Variants in LZTR1 observed in about 807,000 individuals in gnomAD.
LZTR1 encodes the protein leucine zipper like post translational regulator 1, also known as leucine-zipper-like transcriptional regulator 1.
In LZTR1, 260 loss-of-function variants were observed where a neutral mutation model predicts 105.7. The observed-to-expected ratio is 2.46, with a 90% CI of 2.22 to 2.72. The LOEUF is 2.72. LZTR1 is among the 30% of genes most tolerant of loss of function. The pLI, the probability that LZTR1 is intolerant of heterozygous loss-of-function variation, is 0.00. For synonymous variants in LZTR1, 490 were observed against 476.4 expected (o/e 1.03, Z -0.37); for missense variants, 1,214 against 1,166.9 (o/e 1.04, Z -0.59).
intron 18 of LZTR1, 22 bp from the exon 19 acceptor site, chr22:20,996,674 C>T (rs1924862176): frequency 1.2e-6 from 2 of 1,607,158 alleles, no homozygotes; most frequent in Non-Finnish European, 1.7e-6. Context: ...TTCCTTTAGT[C>T]AGCTCCTTAA....
At chr22:20,988,268 A>C (rs1924473090) in intron 5 of LZTR1, 150 bp downstream of exon 5, 6 of 619,168 alleles carry the variant, frequency 9.7e-6, no homozygotes, top group South Asian at 1.9e-5. Flanking sequence ...CGGTGCAGCT[A>C]TGCATGGCCT....
chr22:20,988,229 A>C, intron 5 of LZTR1, 111 bp downstream of exon 5: 1 of 683,326 alleles, frequency 1.5e-6, no homozygotes, highest in East Asian at 2.7e-5. Flanking sequence ...ACGCAATAGC[A>C]GGGAGCTTGG....
chr22:20,988,793 C>G lies in LZTR1; in HGVS notation c.514C>G (p.Pro172Ala), dbSNP rs770709361. 6.2e-7 allele frequency: 1 copy of G among 1,613,666 alleles called. No individual in the cohort carries two copies. The highest frequency in any genetic ancestry group is 1.1e-5 in the South Asian group (1 of 91,088). The change falls in exon 6 of 21, where the codon CCA becomes GCA. Residue 172 changes from proline (P) to alanine (A), a missense_variant. Physicochemically the swap from Pro to Ala is conservative, Grantham distance 27 (BLOSUM62 -1). Transcript: ENST00000646124. ...WTEWKIEGRL[P>A]VARSAHGATV... ...CCCTCTTCCCTCACACTCCAGGTTG[C>G]CAGTCGCTAGGTCAGCCCATGGGGC...
intron 16 of LZTR1, 154 bp from the exon 17 acceptor site, chr22:20,995,592 G>A: frequency 1.1e-6 from 1 of 904,224 alleles, no homozygotes; most frequent in Non-Finnish European, 1.8e-6. Context: ...AGGACAGAAT[G>A]TGGCTGATGG....
intron 16 of LZTR1, 76 bp downstream of exon 16, chr22:20,995,102 G>T (rs1924783653): frequency 8.0e-6 from 12 of 1,508,752 alleles, no homozygotes; most frequent in Non-Finnish European, 1.1e-5. Flanking sequence ...GGGAGCCATG[G>T]AGAGCACCTG....
intron 8 of LZTR1, chr22:20,991,091 G>A (rs540622338): frequency 6.1e-6 from 1 of 163,184 alleles, no homozygotes; most frequent in African/African-American, 2.4e-5. Context: ...CATGGAGCCA[G>A]ATGGCATAGC....
chr22:20,983,268 A>T lies in LZTR1; in HGVS notation c.263+179A>T, dbSNP rs1924265484. ...CCCTGGTCGTGGTGAGGATTAAATG[A>T]GATCCTGCACTCATGGTCCTCAGCA... On this transcript the variant is annotated intron_variant, in intron 2 of 20. Coordinates refer to ENST00000646124, the MANE Select transcript of LZTR1 (RefSeq NM_006767.4). 1.9e-5 allele frequency: 12 copies of T among 632,454 alleles called. No individual in the cohort carries two copies. The Middle Eastern group carries it at 1.2e-3, about 65-fold the overall frequency. The allele number at this position is 632,454 out of a possible 1,614,324, so 39.2% of individuals were successfully genotyped here. A position where few individuals can be genotyped will look rare whatever the true frequency, so the allele number is the denominator to read the frequency against.
At chr22:20,989,369 G>C (rs887297912) in intron 6 of LZTR1, among the ~76,000 whole-genome samples, 1 of 152,238 alleles carries the variant, frequency 6.6e-6, no homozygotes, top group Non-Finnish European at 1.5e-5. Context: ...CACTGAGTGA[G>C]GAGCTGGCAC....
At chr22:20,995,303 C>T (rs1189742564) in intron 16 of LZTR1, 1 of 662,506 alleles carries the variant, frequency 1.5e-6, no homozygotes, top group African/African-American at 1.8e-5. Flanking sequence ...GCTAGGATGT[C>T]AGGTCTGATG....
intron 11 of LZTR1, 43 bp downstream of exon 11, chr22:20,992,947 T>G (rs1292756508): frequency 7.4e-7 from 1 of 1,350,358 alleles, no homozygotes; most frequent in Non-Finnish European, 1.0e-6. Context: ...GGTGGACGGA[T>G]CCCCCGTGAT....
intron 16 of LZTR1, 64 bp downstream of exon 16, chr22:20,995,090 T>C (rs1471741742): frequency 4.5e-6 from 7 of 1,541,186 alleles, no homozygotes; most frequent in African/African-American, 1.4e-5. Context: ...CGGTAGGAGA[T>C]TGGGAGCCAT....
rs368391573 is a variant in LZTR1 at position 20,995,742 on chromosome 22, C to G, written c.1943-4C>G. On this transcript the variant is annotated splice_polypyrimidine_tract_variant and splice_region_variant and intron_variant, in intron 16 of 20. Transcript: ENST00000646124. The stretch of plus-strand genomic sequence containing the variant: ...TACCTGCTCAGGGACCCTCCTACCC[C>G]CAGGCACATCTCTGATCCAGGACAT... 53 of 1,613,426 alleles carry G rather than the reference C, an allele frequency of 3.3e-5. No individual in the cohort carries two copies. The Middle Eastern group carries it at 8.2e-4, about 25-fold the overall frequency.
rs575843980 is a variant in LZTR1, at chr22:20,985,610, C to G, written c.264-231C>G. Among the ~76,000 whole-genome samples, 19 of 151,762 alleles carry G rather than the reference C, an allele frequency of 1.3e-4. No individual in the cohort carries two copies. In the Middle Eastern group the frequency reaches 0.01, roughly 82 times the overall value. ...GCCACATTCATGCTTTGGTCCTGAC[C>G]CCAGGCAGGCTGGTGTCTGCCTGTG... On this transcript the variant is annotated intron_variant, in intron 2 of 20. Coordinates refer to ENST00000646124, the MANE Select transcript of LZTR1 (RefSeq NM_006767.4).
At chr22:20,988,154 G>C (rs776123931) in intron 5 of LZTR1, 36 bp downstream of exon 5, 4 of 1,390,920 alleles carry the variant, frequency 2.9e-6, no homozygotes, top group South Asian at 2.3e-5. Flanking sequence ...GGACAGGCTG[G>C]GTCCTGGGTG....
chr22:20,997,323 G>A lies in LZTR1; in HGVS notation c.2498G>A (p.Cys833Tyr), dbSNP rs781302948. 3.1e-6 allele frequency: 5 copies of A among 1,613,378 alleles called. No individual in the cohort carries two copies. The highest frequency in any genetic ancestry group is 1.1e-5 in the South Asian group (1 of 91,084). ...GCCTCCCACATCTCAGACAAGCAGT[G>A]CGCAGAGCTGGGCGCCGACATCTGA... ...SLASHISDKQ[C>Y]AELGADI The change falls in exon 21 of 21, where the codon TGC (cysteine) becomes TAC (tyrosine). Residue 833 changes from cysteine to tyrosine, a missense_variant. By Grantham distance (194) the Cys-to-Tyr change is radical (BLOSUM62 -2). Transcript: ENST00000646124.
At chr22:20,987,676 G>A in intron 4 of LZTR1, 93 bp downstream of exon 4, 4 of 1,153,026 alleles carry the variant, frequency 3.5e-6, no homozygotes, top group Non-Finnish European at 5.2e-6. Flanking sequence ...TGCTCGTGCT[G>A]TGTACAGCAG....
intron 18 of LZTR1, chr22:20,996,387 A>G: frequency 1.7e-6 from 1 of 594,184 alleles, no homozygotes; most frequent in Non-Finnish European, 3.0e-6. Flanking sequence ...GTGACAGTTG[A>G]GCACAGACAT....
intron 11 of LZTR1, chr22:20,993,388 G>A (rs1176799228): frequency 7.2e-6 from 4 of 557,278 alleles, no homozygotes; most frequent in African/African-American, 1.9e-5. Flanking sequence ...GCAGAGCTCT[G>A]CTGAGGCCTG....
rs1482222775 is a variant in LZTR1 at position 20,987,540 on chromosome 22, C to A, written c.357C>A (p.Tyr119Ter). The change falls in exon 4 of 21, where the codon TAC (tyrosine) becomes TAA (stop). Residue 119 changes from tyrosine (Y) to a stop codon, truncating the protein, a stop_gained. Transcript: ENST00000646124. LOFTEE classifies it high-confidence loss of function. ...FTTGTPPAPRYHHSAVVYGSS... is the reference protein window; with the variant it reads ...FTTGTPPAPR ...CTGGGACCCCACCGGCCCCCCGTTA[C>A]CACCACTCGGCCGTCGTCTATGGGA... 1 of 1,614,154 alleles carries A rather than the reference C, an allele frequency of 6.2e-7. No individual in the cohort carries two copies. Among genetic ancestry groups the A allele is most frequent in the Non-Finnish European group, 8.5e-7 (1 of 1,180,010 alleles).
Sources: allele counts gnomAD v4.1 joint callset (sites outside exome capture counted in the v4.1 genomes callset), GRCh38; gene constraint gnomAD v4.1.1; transcripts MANE v1.5; gene names NCBI Gene and HGNC (gene_info 2026-07-23, HGNC 2026-07-21).